The following DCC variants were observed in gnomAD, a reference collection of about 807,000 sequenced individuals.
DCC encodes DCC netrin 1 receptor.
In DCC, 58 loss-of-function variants were observed where a neutral mutation model predicts 172.5. The observed-to-expected ratio is 0.34, with a 90% CI of 0.27 to 0.42. The LOEUF (loss-of-function observed/expected upper bound fraction) is 0.42. Among genes scored for constraint, DCC ranks in the 10% least tolerant of loss-of-function variants. DCC has a pLI of 1.00. For synonymous variants in DCC, 709 were observed against 644.5 expected, an observed-to-expected ratio of 1.10 and a Z score of -1.52; for missense variants, 1,740 against 1,791.0, an observed-to-expected ratio of 0.97 and a Z score of 0.51.
At chr18:52,778,206 G>GT (rs1203664420) in intron 2 of DCC, among the ~76,000 whole-genome samples, 1 of 152,160 alleles carries the variant, frequency 6.6e-6, no homozygotes, top group Non-Finnish European at 1.5e-5. Flanking sequence ...AGTTTTAAAA[G>GT]TTTTCGATAG....
chr18:52,517,491 T>C (rs1433537239), intron 1 of DCC, among the ~76,000 whole-genome samples: 3 of 152,234 alleles, frequency 2.0e-5, no homozygotes, highest in Admixed American at 2.0e-4. Context: ...TACTAGCTAA[T>C]TGAGAAAGTC....
chr18:53,086,602 TTC>T (rs1491134843), intron 7 of DCC, among the ~76,000 whole-genome samples: 1 of 48,906 alleles, frequency 2.0e-5, no homozygotes, highest in Non-Finnish European at 4.0e-5. Flanking sequence ...CTTCTTCTTC[TTC>T]TTCTTCTTCT....
intron 20 of DCC, 119 bp downstream of exon 20, chr18:53,410,765 A>G: frequency 2.8e-6 from 2 of 712,332 alleles, no homozygotes; most frequent in South Asian, 1.5e-5. Flanking sequence ...TGCAGTGGAC[A>G]TTCAAAATAA....
intron 2 of DCC, among the ~76,000 whole-genome samples, chr18:52,755,093 A>G (rs1168430041): frequency 6.6e-6 from 1 of 152,236 alleles, no homozygotes; most frequent in Non-Finnish European, 1.5e-5. Flanking sequence ...TGGTAAAAGC[A>G]GCTTTCTCAG....
chr18:53,361,816 A>G (rs575822550), intron 15 of DCC, among the ~76,000 whole-genome samples: 1 of 128,620 alleles, frequency 7.8e-6, no homozygotes, highest in South Asian at 2.3e-4. Flanking sequence ...ATTTACAGCA[A>G]AGAAATTATG....
At position 52,819,222 on chromosome 18, in the gene DCC, C is replaced by G. The variant is rs893982509; in HGVS notation, c.412+66848C>G. ...CCAACAAGACAAAGAGCTAATCACC[C>G]TCCTCTTCCCAAATTAATCTTCCTC... On this transcript the variant is annotated intron_variant, in intron 2 of 28. Transcript: ENST00000442544. Among the ~76,000 whole-genome samples, 3 of 152,170 alleles carry G rather than the reference C, an allele frequency of 2.0e-5. No homozygotes were observed. In the East Asian group the frequency reaches 5.8e-4, roughly 29 times the overall value.
At chr18:52,951,349 G>A (rs1338656764) in intron 5 of DCC, among the ~76,000 whole-genome samples, 1 of 152,086 alleles carries the variant, frequency 6.6e-6, no homozygotes, top group Non-Finnish European at 1.5e-5. Context: ...ATGTGCCACG[G>A]TGGTTTGCTG....
chr18:53,528,045 A>G (rs1248611052), intron 28 of DCC, among the ~76,000 whole-genome samples: 1 of 152,168 alleles, frequency 6.6e-6, no homozygotes, highest in African/African-American at 2.4e-5. Context: ...ATTGAAAAAT[A>G]AATTTATAAC....
rs1425350669 is a variant in DCC at position 53,240,034 on chromosome 18, A to AC, written c.1911+24437_1911+24438insC. ...AATTCTAGTTCTAGAGTTAAAAAAA[A>AC]AAAAAAAAAAAAAAAACAACAAAAC... On this transcript the variant is annotated intron_variant, in intron 12 of 28. Transcript: ENST00000442544. 2.9e-5 allele frequency among the ~76,000 whole-genome samples: 4 copies of AC among 137,578 alleles called. No individual in the cohort carries two copies. The East Asian group carries it at 7.0e-4, about 24-fold the overall frequency. The allele number at this position is 137,578 out of a possible 152,430, so 90.3% of individuals were successfully genotyped here. A position where few individuals can be genotyped will look rare whatever the true frequency, so the allele number is the denominator to read the frequency against.
intron 15 of DCC, among the ~76,000 whole-genome samples, chr18:53,358,912 G>A (rs1342836080): frequency 1.3e-5 from 2 of 152,154 alleles, no homozygotes; most frequent in African/African-American, 2.4e-5. Context: ...TGGTCACATA[G>A]TTTCTATAAG....
intron 5 of DCC, among the ~76,000 whole-genome samples, chr18:52,927,176 T>TATATATAG (rs2040230364): frequency 1.5e-5 from 2 of 133,494 alleles, no homozygotes; most frequent in Non-Finnish European, 3.2e-5. Flanking sequence ...TGTGTATATA[T>TATATATAG]GTGTATATAT....
At chr18:52,700,612 A>G (rs2036109346) in intron 1 of DCC, among the ~76,000 whole-genome samples, 3 of 152,320 alleles carry the variant, frequency 2.0e-5, no homozygotes, top group Non-Finnish European at 4.4e-5. Flanking sequence ...TTTTATAGAC[A>G]TATTTTGTCC....
chr18:52,473,970 A>G (rs894341952), intron 1 of DCC, among the ~76,000 whole-genome samples: 3 of 152,060 alleles, frequency 2.0e-5, no homozygotes, highest in African/African-American at 7.2e-5. Context: ...CCTGAACTGC[A>G]CTTATAGGCC....
chr18:52,839,233 T>G (rs942321662), intron 2 of DCC, among the ~76,000 whole-genome samples: 1 of 152,092 alleles, frequency 6.6e-6, no homozygotes, highest in South Asian at 2.1e-4. Flanking sequence ...GACACAGAAG[T>G]TTTCTATTAA....
At chr18:53,334,275 G>A (rs1407709502) in intron 14 of DCC, among the ~76,000 whole-genome samples, 1 of 152,106 alleles carries the variant, frequency 6.6e-6, no homozygotes, top group Admixed American at 6.6e-5. Flanking sequence ...ATTCCTGCCA[G>A]TCAAGACCAT....
At chr18:52,381,439 T>C (rs9967342) in intron 1 of DCC, among the ~76,000 whole-genome samples, 49,497 of 152,068 alleles carry the variant, frequency 0.33, 11,681 homozygotes, top group African/African-American at 0.67. Flanking sequence ...ACATATTTCA[T>C]TGGGCACAAG....
intron 5 of DCC, among the ~76,000 whole-genome samples, chr18:53,055,401 G>A (rs2042390586): frequency 6.6e-6 from 1 of 152,060 alleles, no homozygotes; most frequent in South Asian, 2.1e-4. Context: ...GAGCACCCAA[G>A]CACATTCCCC....
At chr18:53,099,466 A>G (rs922119352) in intron 7 of DCC, among the ~76,000 whole-genome samples, 7 of 152,260 alleles carry the variant, frequency 4.6e-5, no homozygotes, top group African/African-American at 1.7e-4. Flanking sequence ...ATGCAAGCAC[A>G]TGGAGATCCC....
chr18:52,841,676 G>A (rs2038810116), intron 2 of DCC, among the ~76,000 whole-genome samples: 1 of 152,130 alleles, frequency 6.6e-6, no homozygotes, highest in Non-Finnish European at 1.5e-5. Flanking sequence ...TGCTATTGGT[G>A]ACCTGTCCAG....
Sources: allele counts gnomAD v4.1 joint callset (sites outside exome capture counted in the v4.1 genomes callset), GRCh38; gene constraint gnomAD v4.1.1; transcripts MANE v1.5; gene names NCBI Gene and HGNC (gene_info 2026-07-23, HGNC 2026-07-21).